The following SUPT5H variants were observed in gnomAD, a reference collection of about 807,000 sequenced individuals.
The protein encoded by SUPT5H is transcription elongation factor SPT5.
Under a neutral mutation model 142.5 loss-of-function variants are expected in SUPT5H, and 24 were observed. The ratio of observed to expected loss-of-function variants is 0.17; its 90% CI spans 0.12 to 0.24. The LOEUF is 0.24. SUPT5H is among the 10% of genes least tolerant of loss of function. The pLI is 1.00. For synonymous variants in SUPT5H, 546 were observed against 553.0 expected (o/e 0.99, Z 0.18); for missense variants, 893 against 1,471.8 (o/e 0.61, Z 6.43).
rs1214734444 is a variant in SUPT5H at position 39,469,049 on chromosome 19, C to T, written c.1144-30C>T. Reference sequence around the variant, plus strand: ...TGTTGCACTGACCTCGGTCCATTTCCTTCTCTTCCCCTCACCGCTGGGGGC... The same window carrying T: ...TGTTGCACTGACCTCGGTCCATTTCTTTCTCTTCCCCTCACCGCTGGGGGC... On this transcript the variant is annotated intron_variant, in intron 14 of 29. Transcript: ENST00000432763. This position sits in a 1 kb window ranked among gnomAD's most constrained non-coding sequence, Gnocchi z 5.1. 7 of 1,613,390 alleles carry T rather than the reference C, an allele frequency of 4.3e-6. No homozygotes were observed. Among genetic ancestry groups the T allele is most frequent in the South Asian group, 2.2e-5 (2 of 91,002 alleles).
intron 2 of SUPT5H, among the ~76,000 whole-genome samples, chr19:39,449,803 C>A (rs1282550937): frequency 6.6e-6 from 1 of 151,908 alleles, no homozygotes; most frequent in Non-Finnish European, 1.5e-5. Flanking sequence ...CCACACCTGG[C>A]TGATTTTTAT....
intron 1 of SUPT5H, 80 bp downstream of exon 1, chr19:39,445,717 A>C: frequency 1.4e-6 from 1 of 718,600 alleles, no homozygotes. Context: ...GAGGTCTAGC[A>C]TGTGGCGTAG....
At chr19:39,448,753 C>T (rs1174820241) in intron 2 of SUPT5H, among the ~76,000 whole-genome samples, 1 of 152,060 alleles carries the variant, frequency 6.6e-6, no homozygotes, top group African/African-American at 2.4e-5. Context: ...TTGAGGGGAG[C>T]TGCTGGTTCA....
Position 39,474,591 on chromosome 19 carries a change from A to G in SUPT5H, c.2897A>G (p.His966Arg), listed in dbSNP as rs1199234405. ...CCCTCCCCTGGTGGCTACAACCCACACACGCCAGGCTCAGGCATCGAGCAG... is the reference window on the plus strand; with the variant it reads ...CCCTCCCCTGGTGGCTACAACCCACGCACGCCAGGCTCAGGCATCGAGCAG... ...GAPSPGGYNP[H>R]TPGSGIEQNS... is the part of the protein sequence containing the mutation. Residue 966 changes from histidine to arginine, a missense_variant, in exon 28 of 30, where the codon CAC (histidine) becomes CGC (arginine). Physicochemically the swap from His to Arg is conservative, Grantham distance 29 (BLOSUM62 0). Coordinates refer to ENST00000432763, the MANE Select transcript of SUPT5H (RefSeq NM_001111020.3). The surrounding 1 kb of genome is among the most constrained non-coding windows in gnomAD (Gnocchi z 6.5). 4 of 1,614,000 alleles carry G rather than the reference A, an allele frequency of 2.5e-6. No individual in the cohort carries two copies. Among genetic ancestry groups the G allele is most frequent in the Non-Finnish European group, 3.4e-6 (4 of 1,180,004 alleles).
At position 39,458,121 on chromosome 19, in the gene SUPT5H, G is replaced by A. The variant is rs372782355; in HGVS notation, c.308-173G>A. The A allele has an allele frequency of 4.4e-6, 5 of 1,147,908 alleles. No homozygotes were observed. The highest frequency in any genetic ancestry group is 2.5e-5 in the Admixed American group (1 of 39,248). 71.1% of individuals were successfully genotyped at this position (1,147,908 alleles called of 1,614,324 possible). The stretch of plus-strand genomic sequence containing the variant: ...TTCGGCTTCTCCCCAACCACCTGGT[G>A]CCTGGCCTTTACTTTTGGTTTTCAA... On this transcript the variant is annotated intron_variant, in intron 4 of 29. Transcript: ENST00000432763. The surrounding 1 kb of genome is among the most constrained non-coding windows in gnomAD (Gnocchi z 4.2).
At chr19:39,453,589 C>CT in intron 3 of SUPT5H, 68 bp downstream of exon 3, 5 of 1,427,612 alleles carry the variant, frequency 3.5e-6, no homozygotes, top group Middle Eastern at 2.2e-4. Context: ...ATTTCTTTTT[C>CT]TTTTTTTGAG....
At chr19:39,462,925 C>G (rs1391502879) in intron 10 of SUPT5H, among the ~76,000 whole-genome samples, 1 of 141,754 alleles carries the variant, frequency 7.1e-6, no homozygotes, top group Admixed American at 7.1e-5. Flanking sequence ...CCGCAACCTG[C>G]ACCTCCCGGG....
chr19:39,451,813 T>A (rs1213383619), intron 2 of SUPT5H, among the ~76,000 whole-genome samples: 1 of 152,238 alleles, frequency 6.6e-6, no homozygotes, highest in African/African-American at 2.4e-5. Flanking sequence ...ATTACAGGCA[T>A]GAGCCACTGC....
At position 39,474,433 on chromosome 19, in the gene SUPT5H, G is replaced by A; in HGVS notation, c.2820+31G>A. 1 of 1,610,372 alleles carries A rather than the reference G, an allele frequency of 6.2e-7. No homozygotes were observed. Among genetic ancestry groups the A allele is most frequent in the Non-Finnish European group, 8.5e-7 (1 of 1,177,192 alleles). On this transcript the variant is annotated intron_variant, in intron 27 of 29. Coordinates refer to ENST00000432763, the MANE Select transcript of SUPT5H (RefSeq NM_001111020.3). The surrounding 1 kb of genome is among the most constrained non-coding windows in gnomAD (Gnocchi z 6.5). ...GGTCTGCCTGCCTGCCCTGAAGGGT[G>A]GTGGGCTAGGGTGACTTTGGGCATA...
Position 39,471,424 on chromosome 19 carries a change from G to A in SUPT5H, c.1745G>A (p.Arg582His), listed in dbSNP as rs1272429732. The A allele has an allele frequency of 1.9e-6, 3 of 1,614,098 alleles. No individual in the cohort carries two copies. The highest frequency in any genetic ancestry group is 1.3e-5 in the African/African-American group (1 of 74,930). Residue 582 changes from arginine to histidine, a missense_variant, in exon 19 of 30, where the codon CGC becomes CAC. By Grantham distance (29) the Arg-to-His change is conservative. Transcript: ENST00000432763. ...HQAVTRKKDNRFAVALDSEQN... is the reference protein window; with the variant it reads ...HQAVTRKKDNHFAVALDSEQN... ...GCTGTGACCCGGAAGAAGGACAACC[G>A]CTTTGCTGTGGCCTTGGACTCAGAG...
intron 18 of SUPT5H, 69 bp from the exon 19 acceptor site, chr19:39,471,288 A>T (rs1012847070): frequency 3.2e-6 from 5 of 1,580,696 alleles, no homozygotes; most frequent in Non-Finnish European, 3.5e-6. Flanking sequence ...ATCCCACTTT[A>T]GGGAACCCCT....
In SUPT5H at chr19:39,474,983, G is replaced by T. The variant is rs1255226953; in HGVS notation, c.3024+265G>T. On this transcript the variant is annotated intron_variant, in intron 28 of 29. Coordinates refer to ENST00000432763, the MANE Select transcript of SUPT5H (RefSeq NM_001111020.3). The surrounding 1 kb of genome is among the most constrained non-coding windows in gnomAD (Gnocchi z 6.5). ...GAGTAAGCTAAGGAAAGTGACTGGG[G>T]TGAGTGAGTTCCAAATGGAGGGAAC... 1.8e-6 allele frequency: 1 copy of T among 546,324 alleles called. No homozygotes were observed. 33.8% of individuals were successfully genotyped at this position (546,324 alleles called of 1,614,324 possible). A position where few individuals can be genotyped will look rare whatever the true frequency, so the allele number is the denominator to read the frequency against.
Position 39,468,858 on chromosome 19 carries a change from T to C in SUPT5H, c.1140T>C (p.Ala380=), listed in dbSNP as rs1224841803. 1.2e-6 allele frequency: 2 copies of C among 1,613,988 alleles called. No homozygotes were observed. Among genetic ancestry groups the C allele is most frequent in the African/African-American group, 1.3e-5 (1 of 74,912 alleles). The change falls in exon 14 of 30, where the codon GCT becomes GCC. Residue 380 remains alanine (A), a synonymous_variant. Transcript: ENST00000432763. ...TGTTCAAGAGCTTCGCCATGTCTGC[T>C]GTGGTGAGGGTCCCAGAGGGGTGTT... ...GFLFKSFAMS[A]VITEGVKPTL... is the part of the protein sequence containing the mutation.
At chr19:39,460,250 T>G (rs1406474567) in intron 10 of SUPT5H, 1 of 412,340 alleles carries the variant, frequency 2.4e-6, no homozygotes, top group Non-Finnish European at 4.5e-6. Context: ...TGGGTTTGCC[T>G]GTTCACCAGC....
intron 28 of SUPT5H, among the ~76,000 whole-genome samples, chr19:39,475,635 G>C (rs1417283666): frequency 6.6e-6 from 1 of 152,144 alleles, no homozygotes; most frequent in Non-Finnish European, 1.5e-5. Flanking sequence ...GTGGGGAAGA[G>C]GCAGGAGGCA....
intron 2 of SUPT5H, 80 bp downstream of exon 2, chr19:39,446,045 G>A: frequency 6.9e-7 from 1 of 1,452,596 alleles, no homozygotes; most frequent in Non-Finnish European, 9.4e-7. Flanking sequence ...GGAGGCTCGA[G>A]GGGTTCACAG....
At position 39,466,883 on chromosome 19, in the gene SUPT5H, GCAAGTCACTT is replaced by G; in HGVS notation, c.1037+141_1037+150del. The G allele has an allele frequency of 1.3e-6, 1 of 769,592 alleles. No individual in the cohort carries two copies. Among genetic ancestry groups the G allele is most frequent in the Non-Finnish European group, 2.2e-6 (1 of 452,198 alleles). The allele number at this position is 769,592 out of a possible 1,614,324, so 47.7% of individuals were successfully genotyped here. A position where few individuals can be genotyped will look rare whatever the true frequency, so the allele number is the denominator to read the frequency against. On this transcript the variant is annotated intron_variant, in intron 13 of 29. Transcript: ENST00000432763. This position sits in a 1 kb window ranked among gnomAD's most constrained non-coding sequence, Gnocchi z 4.3. ...GGTTAGCTTGGCAGTATAGCCTCAG[GCAAGTCACTT>G]CACATCCCTGTGCCTCAGTTTCTTC...
rs2079335702 is a variant in SUPT5H at position 39,472,518 on chromosome 19, A to T, written c.2035+25A>T. The T allele has an allele frequency of 1.9e-6, 3 of 1,612,026 alleles. No individual in the cohort carries two copies. Among genetic ancestry groups the T allele is most frequent in the Non-Finnish European group, 2.5e-6 (3 of 1,178,664 alleles). On this transcript the variant is annotated intron_variant, in intron 21 of 29. Transcript: ENST00000432763. This position sits in a 1 kb window ranked among gnomAD's most constrained non-coding sequence, Gnocchi z 4.2. ...GGTGAGAGGGGTTCAGGGTCAGGGG[A>T]TGTGGTGGGTAGAAGGGGCTGGAAG...
intron 2 of SUPT5H, among the ~76,000 whole-genome samples, chr19:39,448,388 T>G (rs1438672675): frequency 6.6e-6 from 1 of 152,102 alleles, no homozygotes; most frequent in Non-Finnish European, 1.5e-5. Context: ...GAGGGCCTTT[T>G]CTCTAAGCTG....
Sources: allele counts gnomAD v4.1 joint callset (sites outside exome capture counted in the v4.1 genomes callset), GRCh38; gene constraint gnomAD v4.1.1; non-coding constraint Gnocchi (gnomAD v3.1); transcripts MANE v1.5; gene names NCBI Gene and HGNC (gene_info 2026-07-23, HGNC 2026-07-21).